MAGI2: variants seen among roughly 807,000 people sequenced by gnomAD.
MAGI2 encodes membrane-associated guanylate kinase, WW and PDZ domain-containing protein 2.
A neutral mutation model predicts 133.3 loss-of-function variants in MAGI2; 35 were observed. The observed-to-expected ratio is 0.26, with a 90% CI of 0.20 to 0.35. MAGI2 has a LOEUF of 0.35. Ranked by LOEUF, MAGI2 falls within the 10% of genes least tolerant of loss-of-function variation. The probability of loss-of-function intolerance (pLI) is 1.00; values close to 1 mark genes in which losing one functional copy is unlikely to be tolerated. For missense variants in MAGI2, 1,636 were observed against 1,863.4 expected (o/e 0.88, Z 2.25); for synonymous variants, 729 against 710.6 (o/e 1.03, Z -0.41).
chr7:79,177,391 A>G (rs965387308), intron 1 of MAGI2, among the ~76,000 whole-genome samples: 4 of 152,076 alleles, frequency 2.6e-5, no homozygotes, highest in Admixed American at 1.3e-4. Context: ...TTTTATGTAT[A>G]TTATCCACAT....
chr7:78,125,652 C>G, intron 20 of MAGI2, 42 bp downstream of exon 20: 26 of 1,459,860 alleles, frequency 1.8e-5, no homozygotes, highest in East Asian at 2.6e-5. Flanking sequence ...GTCGGTTTTT[C>G]TTTCAGAATT....
intron 1 of MAGI2, among the ~76,000 whole-genome samples, chr7:79,016,901 C>T (rs2363929): frequency 0.075 from 11,452 of 152,322 alleles, 461 homozygotes; most frequent in African/African-American, 0.094. Context: ...ACAGGACACA[C>T]AGTCCCATGC....
intron 1 of MAGI2, among the ~76,000 whole-genome samples, chr7:79,429,863 T>C (rs1847658546): frequency 6.6e-6 from 1 of 152,100 alleles, no homozygotes; most frequent in Admixed American, 6.5e-5. Flanking sequence ...TTAAGAGGAT[T>C]GAGGAGTTGA....
chr7:78,299,974 T>C (rs1051436724), intron 9 of MAGI2, among the ~76,000 whole-genome samples: 5 of 152,152 alleles, frequency 3.3e-5, no homozygotes, highest in Admixed American at 1.3e-4. Flanking sequence ...CATGGAATTT[T>C]TGGGGTTCTG....
At chr7:79,130,756 G>C (rs1284064822) in intron 1 of MAGI2, among the ~76,000 whole-genome samples, 1 of 152,176 alleles carries the variant, frequency 6.6e-6, no homozygotes, top group Non-Finnish European at 1.5e-5. Flanking sequence ...CCATGTGCTA[G>C]AGACTGTACT....
At chr7:78,842,333 G>A (rs191418950) in intron 2 of MAGI2, among the ~76,000 whole-genome samples, 40 of 151,900 alleles carry the variant, frequency 2.6e-4, no homozygotes, top group Non-Finnish European at 4.6e-4. Context: ...GAAGAGACAG[G>A]CTGTCAAATA....
intron 21 of MAGI2, among the ~76,000 whole-genome samples, chr7:78,061,822 C>A (rs772421149): frequency 1.2e-4 from 19 of 152,322 alleles, no homozygotes; most frequent in Middle Eastern, 6.8e-3. Flanking sequence ...AGCGAATACA[C>A]TGACCAACAG....
chr7:79,097,057 T>C, intron 1 of MAGI2, among the ~76,000 whole-genome samples: 1 of 152,202 alleles, frequency 6.6e-6, no homozygotes. Flanking sequence ...TAAAAATGTG[T>C]TATTATTAGT....
At chr7:78,721,581 T>G (rs1322599574) in intron 2 of MAGI2, among the ~76,000 whole-genome samples, 1 of 152,016 alleles carries the variant, frequency 6.6e-6, no homozygotes, top group East Asian at 1.9e-4. Context: ...GTGCTTATCT[T>G]GAAATTAAAT....
intron 6 of MAGI2, among the ~76,000 whole-genome samples, chr7:78,439,044 A>G (rs529460409): frequency 1.3e-5 from 2 of 152,310 alleles, no homozygotes; most frequent in South Asian, 4.1e-4. Context: ...AGTAGCTGGA[A>G]GCCCATACTG....
intron 2 of MAGI2, among the ~76,000 whole-genome samples, chr7:78,685,751 G>C (rs948079367): frequency 6.6e-6 from 1 of 151,866 alleles, no homozygotes; most frequent in African/African-American, 2.4e-5. Flanking sequence ...GTGATAGGGA[G>C]ACAAAGAAGG....
chr7:79,312,103 G>A (rs902404684), intron 1 of MAGI2, among the ~76,000 whole-genome samples: 1 of 152,162 alleles, frequency 6.6e-6, no homozygotes, highest in South Asian at 2.1e-4. Flanking sequence ...CTCACTCAGA[G>A]TAAAAGCCAA....
intron 2 of MAGI2, among the ~76,000 whole-genome samples, chr7:78,786,992 C>G (rs915407963): frequency 1.3e-5 from 2 of 151,762 alleles, no homozygotes; most frequent in African/African-American, 4.8e-5. Flanking sequence ...TCTCTATTGC[C>G]AAGCTGGAGT....
At chr7:78,820,002 G>T (rs1178459606) in intron 2 of MAGI2, among the ~76,000 whole-genome samples, 1 of 151,946 alleles carries the variant, frequency 6.6e-6, no homozygotes. Context: ...TTTCAGCTAA[G>T]TCCATGTATG....
At chr7:79,438,127 C>T (rs1848266180) in intron 1 of MAGI2, among the ~76,000 whole-genome samples, 1 of 152,082 alleles carries the variant, frequency 6.6e-6, no homozygotes, top group Admixed American at 6.6e-5. Context: ...TACATCTGAA[C>T]TCTCTACACT....
intron 1 of MAGI2, among the ~76,000 whole-genome samples, chr7:79,351,491 C>T (rs1841690000): frequency 6.6e-6 from 1 of 152,048 alleles, no homozygotes; most frequent in Non-Finnish European, 1.5e-5. Flanking sequence ...ATATTTTATG[C>T]ATGCAGGAGA....
intron 1 of MAGI2, among the ~76,000 whole-genome samples, chr7:79,236,851 G>C (rs908393476): frequency 6.6e-6 from 1 of 152,076 alleles, no homozygotes; most frequent in Admixed American, 6.6e-5. Context: ...GACAAGCCTG[G>C]GCAAGTAAAC....
intron 2 of MAGI2, among the ~76,000 whole-genome samples, chr7:78,759,226 A>C (rs1824251970): frequency 6.6e-6 from 1 of 152,170 alleles, no homozygotes; most frequent in Non-Finnish European, 1.5e-5. Flanking sequence ...AATAAAAAAA[A>C]ACTATAATTA....
intron 2 of MAGI2, among the ~76,000 whole-genome samples, chr7:78,845,828 G>A (rs550607): frequency 0.54 from 81,215 of 151,532 alleles, 22,197 homozygotes; most frequent in East Asian, 0.71. Context: ...ATGAGCTATA[G>A]CATTTAAGCT....
Sources: allele counts gnomAD v4.1 joint callset (sites outside exome capture counted in the v4.1 genomes callset), GRCh38; gene constraint gnomAD v4.1.1; transcripts MANE v1.5; gene names NCBI Gene and HGNC (gene_info 2026-07-23, HGNC 2026-07-21).